The following PEAK1 variants were observed in gnomAD, a reference collection of about 807,000 sequenced individuals.
PEAK1 encodes the protein pseudopodium enriched atypical kinase 1.
PEAK1 carries 54 observed loss-of-function variants against 124.7 expected under a neutral mutation model. That is an observed-to-expected ratio of 0.43 (90% CI 0.35 to 0.54). The LOEUF is 0.54. PEAK1 is among the 20% of genes least tolerant of loss of function. The probability of loss-of-function intolerance (pLI) is 0.01; values close to 1 mark genes in which losing one functional copy is unlikely to be tolerated. For synonymous variants in PEAK1, 719 were observed against 760.0 expected, an observed-to-expected ratio of 0.95 and a Z score of 0.89; for missense variants, 2,046 against 2,134.5, an observed-to-expected ratio of 0.96 and a Z score of 0.82.
intron 6 of PEAK1, among the ~76,000 whole-genome samples, chr15:77,249,913 A>G (rs1167042402): frequency 2.0e-5 from 3 of 152,032 alleles, no homozygotes; most frequent in Admixed American, 6.6e-5. Flanking sequence ...TCTCACCTGC[A>G]TAAGTTAACA....
intron 1 of PEAK1, among the ~76,000 whole-genome samples, chr15:77,370,303 T>C (rs542807112): frequency 7.0e-4 from 106 of 152,278 alleles, no homozygotes; most frequent in African/African-American, 2.4e-3. Flanking sequence ...TATAATCCAA[T>C]AGGAAACAGA....
chr15:77,176,051 A>G (rs1413914531), intron 7 of PEAK1, among the ~76,000 whole-genome samples: 2 of 151,738 alleles, frequency 1.3e-5, no homozygotes, highest in East Asian at 1.9e-4. Context: ...GAATTGAACA[A>G]TGAGAACACA....
intron 5 of PEAK1, among the ~76,000 whole-genome samples, chr15:77,268,591 T>C (rs2061862663): frequency 6.6e-6 from 1 of 152,112 alleles, no homozygotes; most frequent in South Asian, 2.1e-4. Context: ...AAAACATATT[T>C]GAGAGAATAA....
intron 2 of PEAK1, among the ~76,000 whole-genome samples, chr15:77,300,339 G>A (rs1047760965): frequency 6.6e-6 from 1 of 152,254 alleles, no homozygotes; most frequent in Non-Finnish European, 1.5e-5. Context: ...AGTACTGTTA[G>A]TAGGCAGGCT....
chr15:77,278,831 G>GT (rs1482376693), intron 5 of PEAK1: 7 of 200,708 alleles, frequency 3.5e-5, no homozygotes, highest in East Asian at 2.8e-4. Flanking sequence ...AAATTTTGTG[G>GT]GTTTTTTTTT....
At chr15:77,225,692 A>ATATATATATG (rs1567136956) in intron 6 of PEAK1, among the ~76,000 whole-genome samples, 2 of 140,262 alleles carry the variant, frequency 1.4e-5, no homozygotes, top group African/African-American at 5.2e-5. Context: ...ATATATATAT[A>ATATATATATG]TATATGACAA....
At chr15:77,257,325 T>G (rs372337597) in intron 5 of PEAK1, among the ~76,000 whole-genome samples, 3,389 of 150,974 alleles carry the variant, frequency 0.022, 108 homozygotes, top group African/African-American at 0.072. Context: ...ATGGTTGAAC[T>G]AGTTTACAGT....
rs541577859 is a variant in PEAK1 at position 77,379,718 on chromosome 15, T to G, written c.-665-14493A>C. ...TTAGGTCCAGGACCTTCATAAGAGA[T>G]CTAATTAGCTTTAGAAAACGGGCCA... is the stretch of plus-strand genomic sequence containing the variant. On this transcript the variant is annotated intron_variant, in intron 1 of 9. Transcript: ENST00000682557. Among the ~76,000 whole-genome samples the G allele has an allele frequency of 4.2e-4, 64 of 151,994 alleles. 1 individual carries two copies. Among genetic ancestry groups the G allele is most frequent in the Non-Finnish European group, 7.2e-4 (49 of 67,994 alleles).
chr15:77,179,155 G>A lies in PEAK1; in HGVS notation c.2772C>T (p.Arg924=). 1.9e-6 allele frequency: 3 copies of A among 1,614,148 alleles called. No homozygotes were observed. The highest frequency in any genetic ancestry group is 2.5e-6 in the Non-Finnish European group (3 of 1,180,032). ...GGAAGAAGCTTTTAAATGATATCCA[G>A]CGCTTAGGTTTTGCATCAGCTGCCC... is the stretch of plus-strand genomic sequence containing the variant. ...SRRAADAKPK[R]WISFKSFFRR... The change falls in exon 7 of 10, where the codon CGC becomes CGT. Residue 924 remains arginine, a synonymous_variant. Coordinates refer to ENST00000682557, the MANE Select transcript of PEAK1 (RefSeq NM_001385026.1).
rs555412505 is a variant in PEAK1, at chr15:77,158,526, C to A, written c.3308G>T (p.Cys1103Phe). 1 of 1,614,132 alleles carries A rather than the reference C, an allele frequency of 6.2e-7. No homozygotes were observed. Residue 1103 changes from cysteine to phenylalanine, a missense_variant, in exon 8 of 10, where the codon TGT becomes TTT. Physicochemically the swap from Cys to Phe is radical, Grantham distance 205 (BLOSUM62 -2). Transcript: ENST00000682557. ...DISDPMDPNP[C>F]SATYSNLGQS... ...ACCTAAGTTGCTGTATGTTGCACTA[C>A]AAGGGTTCGGGTCCATAGGATCTGA...
chr15:77,412,124 C>T (rs1231634514), intron 1 of PEAK1, among the ~76,000 whole-genome samples: 1 of 152,188 alleles, frequency 6.6e-6, no homozygotes, highest in Non-Finnish European at 1.5e-5. Flanking sequence ...AACTGCTCCT[C>T]CTTATCTCTC....
At chr15:77,317,037 C>T (rs1388105801) in intron 2 of PEAK1, among the ~76,000 whole-genome samples, 1 of 152,100 alleles carries the variant, frequency 6.6e-6, no homozygotes, top group African/African-American at 2.4e-5. Context: ...ACCAAGATGG[C>T]ACCACTGCAC....
At chr15:77,144,252 T>C (rs959471877) in intron 8 of PEAK1, among the ~76,000 whole-genome samples, 2 of 152,230 alleles carry the variant, frequency 1.3e-5, no homozygotes, top group Admixed American at 1.3e-4. Flanking sequence ...ACCCTTCCTA[T>C]GAATCACTCA....
intron 6 of PEAK1, among the ~76,000 whole-genome samples, chr15:77,232,077 G>A (rs530858342): frequency 5.3e-5 from 8 of 152,200 alleles, no homozygotes; most frequent in Non-Finnish European, 1.2e-4. Flanking sequence ...TGCTTAAAAT[G>A]TAGAGGCTTA....
chr15:77,124,674 C>A lies in PEAK1; in HGVS notation c.4077+8331G>T, dbSNP rs556743665. Among the ~76,000 whole-genome samples the A allele has an allele frequency of 1.4e-4, 21 of 152,282 alleles. No individual in the cohort carries two copies. The East Asian group carries it at 3.5e-3, about 25-fold the overall frequency. ...CTTCCTTGCTTCCAGTCCTTCTGAC[C>A]TCTCTTACCATAGTTGTCATCCAAA... On this transcript the variant is annotated intron_variant, in intron 9 of 9. Transcript: ENST00000682557.
intron 1 of PEAK1, among the ~76,000 whole-genome samples, chr15:77,401,103 C>T (rs915709319): frequency 1.3e-5 from 2 of 151,982 alleles, no homozygotes; most frequent in Non-Finnish European, 2.9e-5. Context: ...AAAAGGGGTA[C>T]ATCAGAAGAA....
intron 5 of PEAK1, among the ~76,000 whole-genome samples, chr15:77,267,320 G>C (rs1475261517): frequency 6.6e-6 from 1 of 151,946 alleles, no homozygotes; most frequent in African/African-American, 2.4e-5. Context: ...AGAGGTCTAT[G>C]GTCCCAACCT....
At chr15:77,413,553 A>C (rs1411283846) in intron 1 of PEAK1, among the ~76,000 whole-genome samples, 2 of 152,238 alleles carry the variant, frequency 1.3e-5, no homozygotes, top group Non-Finnish European at 2.9e-5. Context: ...ACATTCTACA[A>C]AATACTTGTG....
chr15:77,134,042 TCCCA>T (rs950212342), intron 8 of PEAK1, among the ~76,000 whole-genome samples: 6 of 152,172 alleles, frequency 3.9e-5, no homozygotes, highest in African/African-American at 1.4e-4. Context: ...GATTCTCCAG[TCCCA>T]CCCTTCAGAG....
Sources: allele counts gnomAD v4.1 joint callset (sites outside exome capture counted in the v4.1 genomes callset), GRCh38; gene constraint gnomAD v4.1.1; transcripts MANE v1.5; gene names NCBI Gene and HGNC (gene_info 2026-07-23, HGNC 2026-07-21).